The following MACF1 variants were observed in gnomAD, a reference collection of about 807,000 sequenced individuals.
The protein encoded by MACF1 is microtubule actin crosslinking factor 1, also known as microtubule-actin cross-linking factor 1.
MACF1 carries 193 observed loss-of-function variants against 854.8 expected under a neutral mutation model. The observed-to-expected ratio is 0.23, with a 90% CI of 0.20 to 0.25. The LOEUF is 0.25. Among genes scored for constraint, MACF1 ranks in the 10% least tolerant of loss-of-function variants. MACF1 has a pLI of 1.00. For missense variants in MACF1, 7,722 were observed against 8,929.1 expected, an observed-to-expected ratio of 0.86 and a Z score of 5.45; for synonymous variants, 3,185 against 3,226.7, an observed-to-expected ratio of 0.99 and a Z score of 0.44.
intron 26 of MACF1, among the ~76,000 whole-genome samples, chr1:39,315,132 A>T (rs1646385821): frequency 6.6e-6 from 1 of 152,086 alleles, no homozygotes; most frequent in Non-Finnish European, 1.5e-5. Context: ...CCTTCCTTCG[A>T]TCCTTTCAAT....
Position 39,284,113 on chromosome 1 carries a change from C to T in MACF1, c.963C>T (p.Leu321=), listed in dbSNP as rs374378896. The T allele has an allele frequency of 1.5e-5, 24 of 1,613,926 alleles. No homozygotes were observed. In the African/African-American group the frequency reaches 2.3e-4, roughly 15 times the overall value. ...AATACCAAAGCCGAGTGGACTCCCT[C>T]ATTCCCTGGATCAAACAGCATACAA... ...WQEYQSRVDS[L]IPWIKQHTIL... The change falls in exon 10 of 101, where the codon CTC becomes CTT. Residue 321 remains leucine (L), a synonymous_variant. Coordinates refer to ENST00000564288, the MANE Select transcript of MACF1 (RefSeq NM_001394062.1).
chr1:39,440,520 TC>T (rs1022295652), intron 72 of MACF1, among the ~76,000 whole-genome samples: 6 of 152,180 alleles, frequency 3.9e-5, no homozygotes, highest in African/African-American at 1.4e-4. Flanking sequence ...AGCTATTTTT[TC>T]ATAGAGAAAT....
chr1:39,239,384 A>C (rs1014589916), intron 2 of MACF1, among the ~76,000 whole-genome samples: 1 of 152,236 alleles, frequency 6.6e-6, no homozygotes. Flanking sequence ...ATTCCCTGAT[A>C]ACCTTTTGGG....
In MACF1 at chr1:39,311,005, G is replaced by T. The variant is rs1429952794; in HGVS notation, c.3270+5G>T. ...TTAAGGATTGCAGAGCAAGAGGTAAGCCCTAAGAGCCATGTGGATGCTGGT... is the reference window on the plus strand; with the variant it reads ...TTAAGGATTGCAGAGCAAGAGGTAATCCCTAAGAGCCATGTGGATGCTGGT... On this transcript the variant is annotated splice_donor_5th_base_variant and intron_variant, in intron 26 of 100. Coordinates refer to ENST00000564288, the MANE Select transcript of MACF1 (RefSeq NM_001394062.1). 1.2e-6 allele frequency: 2 copies of T among 1,608,450 alleles called. No homozygotes were observed. Among genetic ancestry groups the T allele is most frequent in the Non-Finnish European group, 1.7e-6 (2 of 1,177,428 alleles).
At position 39,287,398 on chromosome 1, in the gene MACF1, A is replaced by C. The variant is rs370525180; in HGVS notation, c.1621A>C (p.Thr541Pro). 7 of 1,613,768 alleles carry C rather than the reference A, an allele frequency of 4.3e-6. No homozygotes were observed. The highest frequency in any genetic ancestry group is 5.9e-6 in the Non-Finnish European group (7 of 1,179,936). The change falls in exon 15 of 101, where the codon ACT becomes CCT. Residue 541 changes from threonine (T) to proline (P), a missense_variant. Transcript: ENST00000564288. ...ELVPPSTLTT[T>P]HLKAEPLTKA... ...GGTTCCACCCTCTACTTTAACCACCACTCATCTGAAAGCAGAACCCTTAAC... is the reference window on the plus strand; with the variant it reads ...GGTTCCACCCTCTACTTTAACCACCCCTCATCTGAAAGCAGAACCCTTAAC...
At chr1:39,411,130 C>T (rs1642979924) in intron 58 of MACF1, 3 of 1,613,518 alleles carry the variant, frequency 1.9e-6, no homozygotes, top group Non-Finnish European at 2.5e-6. Context: ...GGAAATGCCA[C>T]CTCTCTCCCC....
At chr1:39,263,659 A>G (rs1238646184) in intron 6 of MACF1, among the ~76,000 whole-genome samples, 2 of 151,680 alleles carry the variant, frequency 1.3e-5, no homozygotes, top group Non-Finnish European at 1.5e-5. Context: ...GCTTTTGTAC[A>G]TTTACAGCAG....
At chr1:39,360,015 ATATATATATATATAT>A (rs1647999841) in intron 47 of MACF1, among the ~76,000 whole-genome samples, 7 of 31,952 alleles carry the variant, frequency 2.2e-4, no homozygotes, top group African/African-American at 1.0e-3. Context: ...AAAAAAAAAT[ATATATATATATATAT>A]ATATATATAT....
intron 2 of MACF1, among the ~76,000 whole-genome samples, chr1:39,196,614 G>T (rs1644323529): frequency 6.6e-6 from 1 of 152,236 alleles, no homozygotes; most frequent in African/African-American, 2.4e-5. Flanking sequence ...TATATTTATT[G>T]TATTTTTTAA....
At chr1:39,202,361 G>A (rs1348428036), upstream of MACF1, among the ~76,000 whole-genome samples, 1 of 151,130 alleles carries the variant, frequency 6.6e-6, no homozygotes, top group East Asian at 2.0e-4. Flanking sequence ...TGCTGGCCGG[G>A]CGCAGTGGCT....
At chr1:39,206,498 T>G (rs1644452583) in intron 1 of MACF1, 1 of 152,232 alleles carries the variant, frequency 6.6e-6, no homozygotes, top group Non-Finnish European at 1.5e-5. Context: ...AAGTTTATCT[T>G]CAGTATAGGA....
chr1:39,324,275 C>T lies in MACF1; in HGVS notation c.4319C>T (p.Thr1440Ile), dbSNP rs755906555. The T allele has an allele frequency of 6.2e-7, 1 of 1,613,828 alleles. No individual in the cohort carries two copies. Among genetic ancestry groups the T allele is most frequent in the Non-Finnish European group, 8.5e-7 (1 of 1,179,872 alleles). ...LGWVSTLARNTQGKATSSETK... is the reference protein window; with the variant it reads ...LGWVSTLARNIQGKATSSETK... ...TGGGTGTCTACCCTAGCGAGGAATA[C>T]ACAAGGAAAAGCTACCTCATCCGAG... Residue 1440 changes from threonine (T) to isoleucine (I), a missense_variant, in exon 34 of 101, where the codon ACA becomes ATA. Around this residue, in one of 15 missense-constraint regions of MACF1, gnomAD observed 1,137 missense variants for 1,263.0 expected, o/e 0.90. Transcript: ENST00000564288.
chr1:39,216,614 T>G (rs1644579560), intron 1 of MACF1, among the ~76,000 whole-genome samples: 1 of 151,756 alleles, frequency 6.6e-6, no homozygotes, highest in Non-Finnish European at 1.5e-5. Flanking sequence ...AGGTGCTTTT[T>G]GAGGAAAAAA....
chr1:39,417,349 A>G (rs1457691276), intron 58 of MACF1, among the ~76,000 whole-genome samples: 1 of 108,298 alleles, frequency 9.2e-6, no homozygotes, highest in Non-Finnish European at 2.4e-5. Flanking sequence ...TCAAAGGAAG[A>G]AAAAAACCTT....
At chr1:39,221,084 G>A (rs776737887) in intron 1 of MACF1, among the ~76,000 whole-genome samples, 4 of 152,152 alleles carry the variant, frequency 2.6e-5, no homozygotes, top group African/African-American at 4.8e-5. Context: ...GGACAGATGC[G>A]AAAGGTATGT....
At chr1:39,440,352 A>G (rs1353245563) in intron 72 of MACF1, among the ~76,000 whole-genome samples, 1 of 150,788 alleles carries the variant, frequency 6.6e-6, no homozygotes, top group Non-Finnish European at 1.5e-5. Context: ...GCAATCCTCC[A>G]GCCTCGGCCT....
At chr1:39,342,988 G>A (rs746421019) in intron 40 of MACF1, among the ~76,000 whole-genome samples, 39 of 152,038 alleles carry the variant, frequency 2.6e-4, no homozygotes, top group Non-Finnish European at 1.0e-4. Flanking sequence ...AAAAAAACAC[G>A]TGACAGACCA....
intron 2 of MACF1, among the ~76,000 whole-genome samples, chr1:39,245,522 C>A (rs1408380890): frequency 6.6e-6 from 1 of 152,112 alleles, no homozygotes; most frequent in Non-Finnish European, 1.5e-5. Flanking sequence ...CAGGTGATCT[C>A]CCAGCATCAG....
intron 23 of MACF1, among the ~76,000 whole-genome samples, chr1:39,306,629 A>C (rs1210027400): frequency 3.0e-5 from 2 of 66,488 alleles, no homozygotes; most frequent in African/African-American, 1.0e-4. Context: ...TTTTTTTTTT[A>C]GTCCGGACCT....
Sources: allele counts gnomAD v4.1 joint callset (sites outside exome capture counted in the v4.1 genomes callset), GRCh38; gene constraint gnomAD v4.1.1; regional missense constraint gnomAD v4.1.1; transcripts MANE v1.5; gene names NCBI Gene and HGNC (gene_info 2026-07-23, HGNC 2026-07-21).